TRPM6: variants seen among roughly 807,000 people sequenced by gnomAD.
The protein encoded by TRPM6 is transient receptor potential cation channel subfamily M member 6, also known as channel kinase 2.
Under a neutral mutation model 247.6 loss-of-function variants are expected in TRPM6, and 111 were observed. The observed-to-expected ratio is 0.45, with a 90% CI of 0.38 to 0.52. The LOEUF (loss-of-function observed/expected upper bound fraction) is 0.52, where lower values mean the gene tolerates loss of function less well. TRPM6 is among the 20% of genes least tolerant of loss of function. TRPM6 has a pLI of 0.00. For missense variants in TRPM6, 2,126 were observed against 2,421.5 expected (o/e 0.88, Z 2.56); for synonymous variants, 892 against 853.8 (o/e 1.04, Z -0.78).
At chr9:74,770,410 G>A (rs1826990979) in intron 25 of TRPM6, among the ~76,000 whole-genome samples, 1 of 152,150 alleles carries the variant, frequency 6.6e-6, no homozygotes, top group South Asian at 2.1e-4. Flanking sequence ...TTAAAAAAAT[G>A]CATTTCATCA....
At chr9:74,873,448 C>T (rs1345573571) in intron 1 of TRPM6, among the ~76,000 whole-genome samples, 1 of 152,164 alleles carries the variant, frequency 6.6e-6, no homozygotes, top group Admixed American at 6.6e-5. Flanking sequence ...CTTTCCTGGG[C>T]AGCACATATA....
intron 2 of TRPM6, among the ~76,000 whole-genome samples, chr9:74,855,895 T>C (rs1587585882): frequency 6.6e-6 from 1 of 152,286 alleles, no homozygotes; most frequent in East Asian, 1.9e-4. Flanking sequence ...GATAATAATA[T>C]GTAATGTGTC....
chr9:74,855,401 T>G, intron 3 of TRPM6, 126 bp downstream of exon 3: 1 of 761,588 alleles, frequency 1.3e-6, no homozygotes, highest in South Asian at 1.4e-5. Context: ...TTTTTAAAAC[T>G]TCCCTTGGAA....
intron 6 of TRPM6, among the ~76,000 whole-genome samples, chr9:74,833,476 C>A (rs1378976921): frequency 6.6e-6 from 1 of 152,162 alleles, no homozygotes; most frequent in East Asian, 1.9e-4. Flanking sequence ...TCACTACGGG[C>A]AAACCACTTC....
intron 1 of TRPM6, among the ~76,000 whole-genome samples, chr9:74,870,053 GC>G (rs1246675713): frequency 6.6e-6 from 1 of 152,128 alleles, no homozygotes; most frequent in Non-Finnish European, 1.5e-5. Context: ...ACACCCATGT[GC>G]ATTCACAGAC....
Position 74,801,958 on chromosome 9 carries a change from TG to T in TRPM6, c.1948del (p.His650MetfsTer16). On this transcript the variant is annotated frameshift_variant, in exon 16 of 39. Coordinates refer to ENST00000360774, the MANE Select transcript of TRPM6 (RefSeq NM_017662.5). LOFTEE classifies it high-confidence loss of function. ...IACILYRAMA[H>X]EAKESHMVDD... is the part of the protein sequence containing the mutation. The stretch of plus-strand genomic sequence containing the variant: ...CACCATGTGACTCTCCTTAGCTTCA[TG>T]GGCCATTGCCCGGTAGAGGATACAC... The T allele has an allele frequency of 6.2e-7, 1 of 1,614,258 alleles. No homozygotes were observed. Among genetic ancestry groups the T allele is most frequent in the Non-Finnish European group, 8.5e-7 (1 of 1,180,036 alleles).
intron 28 of TRPM6, among the ~76,000 whole-genome samples, chr9:74,752,615 T>C (rs1032291791): frequency 1.3e-5 from 2 of 152,216 alleles, no homozygotes; most frequent in African/African-American, 2.4e-5. Flanking sequence ...CACTTCTCTA[T>C]TGAAGTCAAG....
intron 2 of TRPM6, among the ~76,000 whole-genome samples, chr9:74,855,794 A>C (rs533672516): frequency 6.6e-6 from 1 of 152,334 alleles, no homozygotes; most frequent in South Asian, 2.1e-4. Flanking sequence ...ACCTCAATTT[A>C]AATCTCATTG....
chr9:74,862,648 C>T lies in TRPM6; in HGVS notation c.34-3900G>A, dbSNP rs192617226. On this transcript the variant is annotated intron_variant, in intron 1 of 38. Transcript: ENST00000360774. ...ATGTTTCATATACATCTTATATGCACAGACAAAAGGTAATTTTACACAATA... is the reference window on the plus strand; with the variant it reads ...ATGTTTCATATACATCTTATATGCATAGACAAAAGGTAATTTTACACAATA... 4.2e-3 allele frequency among the ~76,000 whole-genome samples: 634 copies of T among 152,238 alleles called. 5 individuals are homozygous for T. The highest frequency in any genetic ancestry group is 0.031 in the Middle Eastern group (9 of 294).
chr9:74,851,561 A>C (rs896943350), intron 3 of TRPM6, among the ~76,000 whole-genome samples: 5 of 151,718 alleles, frequency 3.3e-5, no homozygotes, highest in Non-Finnish European at 7.4e-5. Flanking sequence ...CACACTGACC[A>C]ACATGGTGAA....
chr9:74,871,506 T>C (rs973949687), intron 1 of TRPM6, among the ~76,000 whole-genome samples: 2 of 152,204 alleles, frequency 1.3e-5, no homozygotes, highest in African/African-American at 4.8e-5. Flanking sequence ...TTCCCTAATA[T>C]GGAAGTCCCA....
chr9:74,812,176 T>C, intron 12 of TRPM6, 123 bp downstream of exon 12: 4 of 1,267,714 alleles, frequency 3.2e-6, no homozygotes, highest in East Asian at 2.4e-5. Flanking sequence ...CTTCAGATAA[T>C]AGGGAAGTCC....
chr9:74,738,339 T>C, intron 36 of TRPM6, 68 bp downstream of exon 36: 1 of 1,551,282 alleles, frequency 6.4e-7, no homozygotes, highest in Non-Finnish European at 8.9e-7. Context: ...TTACCCATCC[T>C]GGTTCTTGCA....
chr9:74,817,740 A>AG (rs11297751), intron 9 of TRPM6, among the ~76,000 whole-genome samples: 10,484 of 151,358 alleles, frequency 0.069, 641 homozygotes, highest in African/African-American at 0.16. Flanking sequence ...CTTCAAAAAA[A>AG]GGGGGGGGGA....
At chr9:74,869,363 G>T (rs955635649) in intron 1 of TRPM6, among the ~76,000 whole-genome samples, 4 of 151,568 alleles carry the variant, frequency 2.6e-5, no homozygotes, top group African/African-American at 9.7e-5. Flanking sequence ...CCAGCTACTC[G>T]GGAAGCTGAG....
At chr9:74,790,017 T>TGTGTGTGG (rs1304620622) in intron 19 of TRPM6, among the ~76,000 whole-genome samples, 2 of 146,302 alleles carry the variant, frequency 1.4e-5, no homozygotes, top group Non-Finnish European at 3.0e-5. Context: ...TGTGTGTGTG[T>TGTGTGTGG]GTGTGTGTGT....
At chr9:74,854,452 C>CA (rs1277025164) in intron 3 of TRPM6, among the ~76,000 whole-genome samples, 3 of 152,098 alleles carry the variant, frequency 2.0e-5, no homozygotes, top group African/African-American at 7.2e-5. Context: ...CCATTACTTT[C>CA]AGTAGCAAAC....
At position 74,723,885 on chromosome 9, in the gene TRPM6, T is replaced by A. The variant is rs940858992; in HGVS notation, c.*728A>T. 1 of 146,208 alleles carries A rather than the reference T, an allele frequency of 6.8e-6. No homozygotes were observed. The highest frequency in any genetic ancestry group is 1.5e-5 in the Non-Finnish European group (1 of 67,066). The allele number at this position is 146,208 out of a possible 1,614,324, so 9.1% of individuals were successfully genotyped here. On this transcript the variant is annotated 3_prime_UTR_variant, in exon 39 of 39. Coordinates refer to ENST00000360774, the MANE Select transcript of TRPM6 (RefSeq NM_017662.5). ...TAATATATATATTCCATATATATTA[T>A]ATATATAAAAATATATATAATATAC...
At chr9:74,872,762 G>A (rs530078010) in intron 1 of TRPM6, among the ~76,000 whole-genome samples, 94 of 152,228 alleles carry the variant, frequency 6.2e-4, no homozygotes, top group Admixed American at 1.8e-3. Context: ...GAGCCACTGC[G>A]CGGAACCTGA....
Sources: allele counts gnomAD v4.1 joint callset (sites outside exome capture counted in the v4.1 genomes callset), GRCh38; gene constraint gnomAD v4.1.1; transcripts MANE v1.5; gene names NCBI Gene and HGNC (gene_info 2026-07-23, HGNC 2026-07-21).